The following KIAA1549L variants were observed in gnomAD, a reference collection of about 807,000 sequenced individuals.
KIAA1549L encodes UPF0606 protein KIAA1549L.
A neutral mutation model predicts 160.7 loss-of-function variants in KIAA1549L; 88 were observed. The observed-to-expected ratio is 0.55, with a 90% CI of 0.46 to 0.65. The LOEUF is 0.65. Ranked by LOEUF, KIAA1549L falls within the 30% of genes least tolerant of loss-of-function variation. The probability of loss-of-function intolerance (pLI) is 0.00; values close to 1 mark genes in which losing one functional copy is unlikely to be tolerated. For missense variants in KIAA1549L, 2,258 were observed against 2,437.5 expected, an observed-to-expected ratio of 0.93 and a Z score of 1.55; for synonymous variants, 950 against 976.7, an observed-to-expected ratio of 0.97 and a Z score of 0.51.
At chr11:33,649,556 T>C (rs1296852533) in intron 17 of KIAA1549L, among the ~76,000 whole-genome samples, 3 of 150,964 alleles carry the variant, frequency 2.0e-5, no homozygotes, top group Non-Finnish European at 3.0e-5. Context: ...GCTTACCCAG[T>C]TGGAGTTTTG....
chr11:33,548,883 C>G (rs944233601), intron 4 of KIAA1549L, among the ~76,000 whole-genome samples: 2 of 152,124 alleles, frequency 1.3e-5, no homozygotes, highest in Non-Finnish European at 2.9e-5. Context: ...CCCATCAACA[C>G]CAAGGACTAG....
Position 33,591,438 on chromosome 11 carries a change from C to A in KIAA1549L, c.4751+17C>A, listed in dbSNP as rs756455279. 6 of 1,574,438 alleles carry A rather than the reference C, an allele frequency of 3.8e-6. No individual in the cohort carries two copies. Among genetic ancestry groups the A allele is most frequent in the Non-Finnish European group, 3.5e-6 (4 of 1,154,834 alleles). Reference sequence around the variant, plus strand: ...CAGGAAGAGGTAGGCACGGGGCTGACTTCTGCCTCTCTGTGTCAGCAAGAG... The same window carrying A: ...CAGGAAGAGGTAGGCACGGGGCTGAATTCTGCCTCTCTGTGTCAGCAAGAG... On this transcript the variant is annotated intron_variant, in intron 12 of 20. Coordinates refer to ENST00000658780, the MANE Select transcript of KIAA1549L (RefSeq NM_012194.3).
At chr11:33,623,903 AT>A (rs1851025601) in intron 16 of KIAA1549L, among the ~76,000 whole-genome samples, 1 of 151,990 alleles carries the variant, frequency 6.6e-6, no homozygotes, top group South Asian at 2.1e-4. Context: ...CTTCTCTCTG[AT>A]CCCCTGCGTT....
rs76798957 is a variant in KIAA1549L at position 33,476,923 on chromosome 11, G to A, written c.239-64879G>A. Among the ~76,000 whole-genome samples, 132 of 152,228 alleles carry A rather than the reference G, an allele frequency of 8.7e-4. 1 individual carries two copies. The East Asian group carries it at 0.023, about 27-fold the overall frequency. On this transcript the variant is annotated intron_variant, in intron 1 of 20. Transcript: ENST00000658780. ...TTTCATTAGAATGTAGGCTTTGTGC[G>A]TTTTGTTTGGTTCTGTATCTCTGGC...
At chr11:33,472,694 C>T (rs1007466139) in intron 1 of KIAA1549L, among the ~76,000 whole-genome samples, 2 of 152,174 alleles carry the variant, frequency 1.3e-5, no homozygotes, top group African/African-American at 4.8e-5. Flanking sequence ...GAAATAGTTG[C>T]TGACTGCATG....
chr11:33,574,640 T>G (rs1268394718), intron 9 of KIAA1549L, 62 bp from the exon 10 acceptor site: 2 of 1,487,972 alleles, frequency 1.3e-6, no homozygotes, highest in Non-Finnish European at 1.8e-6. Context: ...GCTGATCACC[T>G]GGGTGATTGC....
intron 17 of KIAA1549L, among the ~76,000 whole-genome samples, chr11:33,650,704 T>C (rs567033240): frequency 6.6e-6 from 1 of 152,156 alleles, no homozygotes; most frequent in Non-Finnish European, 1.5e-5. Context: ...GTGAGCTCAC[T>C]CTGTCCCTTG....
At chr11:33,602,380 A>G (rs1021202648) in intron 13 of KIAA1549L, among the ~76,000 whole-genome samples, 2 of 152,254 alleles carry the variant, frequency 1.3e-5, no homozygotes, top group Non-Finnish European at 2.9e-5. Context: ...TTCCCAATGA[A>G]GTGAAGACTT....
chr11:33,461,254 G>GT (rs1364204962), intron 1 of KIAA1549L, among the ~76,000 whole-genome samples: 1 of 152,040 alleles, frequency 6.6e-6, no homozygotes, highest in Non-Finnish European at 1.5e-5. Flanking sequence ...TGGCGTAATG[G>GT]TATCTATTAT....
At chr11:33,400,141 A>T (rs1850468592) in intron 1 of KIAA1549L, among the ~76,000 whole-genome samples, 1 of 152,232 alleles carries the variant, frequency 6.6e-6, no homozygotes, top group Admixed American at 6.5e-5. Context: ...CACATCTTTA[A>T]GAGTCATTGG....
intron 1 of KIAA1549L, among the ~76,000 whole-genome samples, chr11:33,459,234 G>T (rs1291986838): frequency 1.3e-5 from 2 of 152,168 alleles, no homozygotes; most frequent in Non-Finnish European, 2.9e-5. Context: ...CTTGTTGGAT[G>T]GTTGTCACAC....
intron 16 of KIAA1549L, among the ~76,000 whole-genome samples, chr11:33,629,582 G>A (rs1228990563): frequency 6.6e-6 from 1 of 151,328 alleles, no homozygotes; most frequent in African/African-American, 2.4e-5. Flanking sequence ...GATCACATCG[G>A]CTCCTGAGGC....
chr11:33,429,197 C>A (rs762177811), intron 1 of KIAA1549L, among the ~76,000 whole-genome samples: 1 of 152,188 alleles, frequency 6.6e-6, no homozygotes, highest in African/African-American at 2.4e-5. Context: ...GTCTCAAACT[C>A]CTGACCTCAA....
intron 1 of KIAA1549L, among the ~76,000 whole-genome samples, chr11:33,430,041 T>TCCTTCCTCCCTTCCTTCCCCCCTTCCTC (rs1200093248): frequency 7.1e-6 from 1 of 140,388 alleles, no homozygotes; most frequent in Non-Finnish European, 1.5e-5. Context: ...CTTCCTTCCT[T>TCCTTCCTCCCTTCCTTCCCCCCTTCCTC]CCTTCCTCCC....
At position 33,654,208 on chromosome 11, in the gene KIAA1549L, G is replaced by A. The variant is rs534476179; in HGVS notation, c.5761-1804G>A. 5.9e-5 allele frequency among the ~76,000 whole-genome samples: 9 copies of A among 152,248 alleles called. No individual in the cohort carries two copies. The South Asian group carries it at 1.5e-3, about 25-fold the overall frequency. ...AGGATGGTTTCGATCTTCTGACATCGTGATCTGCCCGCCTCAGCCTCCCAA... is the reference window on the plus strand; with the variant it reads ...AGGATGGTTTCGATCTTCTGACATCATGATCTGCCCGCCTCAGCCTCCCAA... On this transcript the variant is annotated intron_variant, in intron 17 of 20. Coordinates refer to ENST00000658780, the MANE Select transcript of KIAA1549L (RefSeq NM_012194.3).
intron 6 of KIAA1549L, among the ~76,000 whole-genome samples, chr11:33,554,378 A>T (rs891187750): frequency 6.6e-6 from 1 of 152,224 alleles, no homozygotes; most frequent in Non-Finnish European, 1.5e-5. Flanking sequence ...GTTGCCAGGG[A>T]CAGAATCTAA....
At chr11:33,570,927 TGGGTATGATTTTTCTGGA>T (rs1053961913) in intron 9 of KIAA1549L, among the ~76,000 whole-genome samples, 23 of 152,162 alleles carry the variant, frequency 1.5e-4, no homozygotes, top group Non-Finnish European at 2.4e-4. Context: ...ACAGAGCAAC[TGGGTATGATTTTTCTGGA>T]GGAATTTAGA....
chr11:33,655,260 C>T (rs1432191183), intron 17 of KIAA1549L, among the ~76,000 whole-genome samples: 1 of 152,136 alleles, frequency 6.6e-6, no homozygotes, highest in East Asian at 1.9e-4. Context: ...AAGACATACA[C>T]ACACACACAC....
chr11:33,629,520 C>T (rs1417783306), intron 16 of KIAA1549L, among the ~76,000 whole-genome samples: 5 of 150,636 alleles, frequency 3.3e-5, no homozygotes, highest in African/African-American at 1.2e-4. Flanking sequence ...CTTCCCTTCT[C>T]GCTTCATTTC....
Sources: allele counts gnomAD v4.1 joint callset (sites outside exome capture counted in the v4.1 genomes callset), GRCh38; gene constraint gnomAD v4.1.1; transcripts MANE v1.5; gene names NCBI Gene and HGNC (gene_info 2026-07-23, HGNC 2026-07-21).